The following POM121 variants were observed in gnomAD, a reference collection of about 807,000 sequenced individuals.
POM121 encodes nuclear envelope pore membrane protein POM 121.
In POM121, 32 loss-of-function variants were observed where a neutral mutation model predicts 81.3. The ratio of observed to expected loss-of-function variants is 0.39; its 90% CI spans 0.30 to 0.53. POM121 has a LOEUF of 0.53. Ranked by LOEUF, POM121 falls within the 20% of genes least tolerant of loss-of-function variation. POM121 has a pLI of 0.66. For synonymous variants in POM121, 514 were observed against 694.2 expected (o/e 0.74, Z 4.08); for missense variants, 1,138 against 1,614.6 (o/e 0.70, Z 5.06).
At chr7:72,949,367 G>A, downstream of POM121, 1 of 847,056 alleles carries the variant, frequency 1.2e-6, no homozygotes, top group Non-Finnish European at 2.1e-6. Flanking sequence ...CGATAGCGCG[G>A]ATCTAAGGGG....
intron 3 of POM121, among the ~76,000 whole-genome samples, chr7:72,908,435 T>G (rs1458872911): frequency 1.3e-5 from 2 of 152,126 alleles, no homozygotes; most frequent in African/African-American, 4.8e-5. Context: ...ACAAGGCAAA[T>G]GGAGGCAGGG....
At chr7:72,901,210 CTTTTTTTCTTTTTT>C (rs1385795431) in intron 3 of POM121, among the ~76,000 whole-genome samples, 3 of 148,928 alleles carry the variant, frequency 2.0e-5, no homozygotes, top group Non-Finnish European at 4.5e-5. Flanking sequence ...ACCTTTTTTT[CTTTTTTTCTTTTTT>C]TTTTTTTTGA....
chr7:72,934,685 G>C (rs1295643345), intron 5 of POM121, among the ~76,000 whole-genome samples: 2 of 151,860 alleles, frequency 1.3e-5, no homozygotes, highest in Middle Eastern at 3.2e-3. Flanking sequence ...ATCAAAATTA[G>C]TTTTTTTTGT....
chr7:72,890,533 A>G (rs1166025905), intron 1 of POM121: 9 of 1,426,762 alleles, frequency 6.3e-6, no homozygotes, highest in South Asian at 1.2e-5. Flanking sequence ...AAGGTATACA[A>G]TGTTCATGGT....
chr7:72,879,915 A>T (rs1210875585), intron 1 of POM121: 4 of 505,348 alleles, frequency 7.9e-6, no homozygotes, highest in Admixed American at 6.0e-5. Flanking sequence ...GCCCGGAGCG[A>T]GAAGGGCCTG....
At chr7:72,949,701 G>A, downstream of POM121, 2 of 702,128 alleles carry the variant, frequency 2.8e-6, no homozygotes, top group Non-Finnish European at 5.2e-6. Flanking sequence ...CCTGCAGTGG[G>A]GAAAGCTTAG....
chr7:72,928,698 T>C (rs1795717194), intron 4 of POM121, among the ~76,000 whole-genome samples: 1 of 152,060 alleles, frequency 6.6e-6, no homozygotes, highest in African/African-American at 2.4e-5. Flanking sequence ...TAAGAGGTTT[T>C]ATAAATATAT....
intron 5 of POM121, among the ~76,000 whole-genome samples, chr7:72,933,498 A>G (rs1473339659): frequency 2.0e-5 from 3 of 152,246 alleles, no homozygotes; most frequent in African/African-American, 7.2e-5. Context: ...GCCAAATCTC[A>G]TGTTCAAGAG....
chr7:72,891,717 G>A (rs1554490937), intron 3 of POM121, among the ~76,000 whole-genome samples: 1 of 152,082 alleles, frequency 6.6e-6, no homozygotes, highest in African/African-American at 2.4e-5. Context: ...TTACAGAATT[G>A]TTTCATTCTG....
chr7:72,890,841 C>G (rs1791233306), intron 2 of POM121: 4 of 1,432,042 alleles, frequency 2.8e-6, no homozygotes, highest in Non-Finnish European at 3.9e-6. Flanking sequence ...CCATTTAATT[C>G]CTTGTGGGCA....
chr7:72,948,881 A>C (rs17145848), downstream of POM121: 3,869 of 1,604,860 alleles, frequency 2.4e-3, 91 homozygotes, highest in East Asian at 0.042. Context: ...ACCCTGGCGC[A>C]CGCCCTGTAC....
intron 3 of POM121, among the ~76,000 whole-genome samples, chr7:72,896,025 G>A (rs2129575195): frequency 6.6e-6 from 1 of 152,074 alleles, no homozygotes; most frequent in South Asian, 2.1e-4. Context: ...TAGATCTGTG[G>A]CTTTCAAGCT....
At chr7:72,919,269 C>T (rs1554495581) in intron 4 of POM121, among the ~76,000 whole-genome samples, 1 of 145,602 alleles carries the variant, frequency 6.9e-6, no homozygotes, top group African/African-American at 2.5e-5. Flanking sequence ...AGCTGTCTTA[C>T]TCTGCCCTTT....
chr7:72,915,791 G>C (rs1393564118), intron 4 of POM121, among the ~76,000 whole-genome samples: 6 of 152,148 alleles, frequency 3.9e-5, no homozygotes, highest in African/African-American at 7.2e-5. Flanking sequence ...TCCTGCCTCA[G>C]CCTCCCAAGT....
intron 5 of POM121, among the ~76,000 whole-genome samples, chr7:72,936,518 C>A (rs1796525023): frequency 6.6e-6 from 1 of 152,182 alleles, no homozygotes; most frequent in Non-Finnish European, 1.5e-5. Context: ...ACCTCGTGAT[C>A]CGCCCACCTT....
intron 4 of POM121, among the ~76,000 whole-genome samples, chr7:72,919,066 T>G (rs1794560383): frequency 6.6e-6 from 1 of 152,114 alleles, no homozygotes; most frequent in African/African-American, 2.4e-5. Flanking sequence ...CCCAAAGTGC[T>G]AGGCTAATTT....
chr7:72,920,531 T>G (rs574046123), upstream of POM121, among the ~76,000 whole-genome samples: 8 of 152,076 alleles, frequency 5.3e-5, no homozygotes, highest in South Asian at 1.5e-3. Flanking sequence ...ATTTTTTGTA[T>G]TTTTAGTAGA....
At chr7:72,915,988 G>A (rs1259608845) in intron 4 of POM121, among the ~76,000 whole-genome samples, 1 of 152,138 alleles carries the variant, frequency 6.6e-6, no homozygotes, top group Non-Finnish European at 1.5e-5. Flanking sequence ...ACTTTTTGAT[G>A]GGGTTGTTTG....
chr7:72,934,365 G>A (rs2530504), intron 5 of POM121, among the ~76,000 whole-genome samples: 24 of 152,350 alleles, frequency 1.6e-4, no homozygotes, highest in South Asian at 6.2e-4. Context: ...GATTACAGGC[G>A]TGAGCCACCA....
Sources: allele counts gnomAD v4.1 joint callset (sites outside exome capture counted in the v4.1 genomes callset), GRCh38; gene constraint gnomAD v4.1.1; transcripts MANE v1.5; gene names NCBI Gene and HGNC (gene_info 2026-07-23, HGNC 2026-07-21).